Variants in NPDC1 observed in about 807,000 individuals in gnomAD.
The protein encoded by NPDC1 is neural proliferation, differentiation and control 1.
NPDC1 carries 18 observed loss-of-function variants against 32.5 expected under a neutral mutation model. That is an observed-to-expected ratio of 0.55 (90% CI 0.38 to 0.82). NPDC1 has a LOEUF of 0.82. Among genes scored for constraint, NPDC1 ranks in the 40% least tolerant of loss-of-function variants. The pLI is 0.00. For missense variants in NPDC1, 468 were observed against 406.6 expected (o/e 1.15, Z -1.30); for synonymous variants, 210 against 184.7 (o/e 1.14, Z -1.11).
intron 2 of NPDC1, among the ~76,000 whole-genome samples, chr9:137,041,877 G>A (rs959058993): frequency 2.0e-5 from 3 of 152,250 alleles, no homozygotes; most frequent in Non-Finnish European, 4.4e-5. Flanking sequence ...GGCGAGCGGG[G>A]CATCCCCAGC....
chr9:137,040,430 C>A lies in NPDC1; in HGVS notation c.715G>T (p.Asp239Tyr). 1 of 1,553,678 alleles carries A rather than the reference C, an allele frequency of 6.4e-7. No individual in the cohort carries two copies. Among genetic ancestry groups the A allele is most frequent in the Non-Finnish European group, 8.7e-7 (1 of 1,149,900 alleles). ...TCCGCGCTCTGTGCCAGCCGCTGGT[C>A]CCCAGGCTGTGGGAAGGAGGAGGCG... is the stretch of plus-strand genomic sequence containing the variant. ...SPAAPRISPG[D>Y]QRLAQSAEMY... Residue 239 changes from aspartate to tyrosine, a missense_variant, in exon 7 of 9, where the codon GAC becomes TAC. Physicochemically the swap from Asp to Tyr is radical, Grantham distance 160. Transcript: ENST00000371601.
intron 2 of NPDC1, among the ~76,000 whole-genome samples, chr9:137,041,443 T>C (rs1444966779): frequency 6.6e-6 from 1 of 150,906 alleles, no homozygotes; most frequent in East Asian, 2.0e-4. Flanking sequence ...GAGGAAGGAG[T>C]GGGGTCTCTC....
At chr9:137,044,962 T>C (rs1832109302) in intron 1 of NPDC1, among the ~76,000 whole-genome samples, 1 of 152,242 alleles carries the variant, frequency 6.6e-6, no homozygotes, top group Admixed American at 6.5e-5. Context: ...GCCTCAGCTG[T>C]GCCACAATCC....
rs974785977 is a variant in NPDC1 at position 137,039,593 on chromosome 9, G to A, written c.*179C>T. 20 of 583,416 alleles carry A rather than the reference G, an allele frequency of 3.4e-5. No homozygotes were observed. The highest frequency in any genetic ancestry group is 7.5e-5 in the African/African-American group (4 of 53,456). 36.1% of individuals were successfully genotyped at this position (583,416 alleles called of 1,614,324 possible). ...GAACAGGAGAGGTGCAGGGGACCAG[G>A]AGGTGTCCTGGCACAAAGGTTCGGG... On this transcript the variant is annotated 3_prime_UTR_variant, in exon 9 of 9. Transcript: ENST00000371601.
Position 137,045,879 on chromosome 9 carries a change from C to T in NPDC1, c.111G>A (p.Pro37=), listed in dbSNP as rs1832123016. ...AALRGAAAGH[P]DVAACPGSLD... ...CCTGCGCCCAGCGCGCTCGCTCACC[C>T]GGGTGGCCGGCGGCGGCTCCACGCA... The change falls in exon 1 of 9, where the codon CCG becomes CCA. Residue 37 remains proline (P), a splice_region_variant and synonymous_variant. Coordinates refer to ENST00000371601, the MANE Select transcript of NPDC1 (RefSeq NM_015392.4). 1.4e-5 allele frequency: 15 copies of T among 1,075,462 alleles called. No homozygotes were observed. Among genetic ancestry groups the T allele is most frequent in the Non-Finnish European group, 1.7e-5 (15 of 889,328 alleles). The allele number at this position is 1,075,462 out of a possible 1,614,324, so 66.6% of individuals were successfully genotyped here. A position where few individuals can be genotyped will look rare whatever the true frequency, so the allele number is the denominator to read the frequency against.
chr9:137,040,116 GT>G, intron 7 of NPDC1, 49 bp from the exon 8 acceptor site: 1 of 757,754 alleles, frequency 1.3e-6, no homozygotes, highest in Non-Finnish European at 2.4e-6. Flanking sequence ...CGAGGTGCCA[GT>G]GGCCCAGTCT....
chr9:137,041,233 G>C, intron 2 of NPDC1, 46 bp from the exon 3 acceptor site: 1 of 1,376,466 alleles, frequency 7.3e-7, no homozygotes, highest in South Asian at 1.9e-5. Context: ...CGTCCAGGAG[G>C]TAGCCCCAGG....
intron 2 of NPDC1, among the ~76,000 whole-genome samples, chr9:137,042,497 T>A (rs1588548655): frequency 6.6e-6 from 1 of 151,416 alleles, no homozygotes; most frequent in East Asian, 1.9e-4. Flanking sequence ...GACCTTATGA[T>A]GTGCCCGCCT....
In NPDC1 at chr9:137,046,073, G is replaced by C. The variant is rs1270526381; in HGVS notation, c.-84C>G. 5 of 1,115,736 alleles carry C rather than the reference G, an allele frequency of 4.5e-6. No individual in the cohort carries two copies. Among genetic ancestry groups the C allele is most frequent in the Non-Finnish European group, 5.5e-6 (5 of 912,642 alleles). 69.1% of individuals were successfully genotyped at this position (1,115,736 alleles called of 1,614,324 possible). On this transcript the variant is annotated 5_prime_UTR_variant, in exon 1 of 9. Transcript: ENST00000371601. ...TCCGGGCTCCGCGTCGGGAGCAGCG[G>C]AGGCAGCGGGGGAGGACGCAGGAGG...
At chr9:137,041,038 G>T in intron 3 of NPDC1, 24 bp downstream of exon 3, 1 of 1,520,378 alleles carries the variant, frequency 6.6e-7, no homozygotes, top group Non-Finnish European at 8.8e-7. Context: ...CAGGGCCGTG[G>T]GGCAGGGGAA....
chr9:137,039,852 C>G lies in NPDC1; in HGVS notation c.898G>C (p.Glu300Gln), dbSNP rs1290621586. The G allele has an allele frequency of 2.6e-6, 2 of 779,412 alleles. No homozygotes were observed. The highest frequency in any genetic ancestry group is 3.4e-5 in the Admixed American group (2 of 59,014). The allele number at this position is 779,412 out of a possible 1,614,324, so 48.3% of individuals were successfully genotyped here. A position where few individuals can be genotyped will look rare whatever the true frequency, so the allele number is the denominator to read the frequency against. ...CPGLAPTGEM[E>Q]VRNPLFDHAA... ...TGGTCGAACAGAGGGTTGCGCACCTCCATTTCCCCGGTCTGCGAATGTGGG... is the reference window on the plus strand; with the variant it reads ...TGGTCGAACAGAGGGTTGCGCACCTGCATTTCCCCGGTCTGCGAATGTGGG... Residue 300 changes from glutamate to glutamine, a missense_variant, in exon 9 of 9, where the codon GAG (glutamate) becomes CAG (glutamine). By Grantham distance (29) the Glu-to-Gln change is conservative. Coordinates refer to ENST00000371601, the MANE Select transcript of NPDC1 (RefSeq NM_015392.4).
intron 2 of NPDC1, among the ~76,000 whole-genome samples, chr9:137,041,966 T>C (rs1457813490): frequency 2.0e-5 from 3 of 152,184 alleles, no homozygotes; most frequent in Non-Finnish European, 4.4e-5. Context: ...GCAAGCTGCC[T>C]GGGGACGGGG....
At chr9:137,042,317 G>A (rs368233897) in intron 2 of NPDC1, among the ~76,000 whole-genome samples, 61 of 147,560 alleles carry the variant, frequency 4.1e-4, no homozygotes, top group Admixed American at 2.0e-3. Context: ...GCAGTGGCGC[G>A]ATCTCGGCTC....
At position 137,039,956 on chromosome 9, in the gene NPDC1, C is replaced by T. The variant is rs774316269; in HGVS notation, c.885+15G>A. 11 of 778,902 alleles carry T rather than the reference C, an allele frequency of 1.4e-5. No individual in the cohort carries two copies. Among genetic ancestry groups the T allele is most frequent in the Non-Finnish European group, 2.6e-5 (11 of 417,988 alleles). 48.2% of individuals were successfully genotyped at this position (778,902 alleles called of 1,614,324 possible). A position where few individuals can be genotyped will look rare whatever the true frequency, so the allele number is the denominator to read the frequency against. On this transcript the variant is annotated intron_variant, in intron 8 of 8. Transcript: ENST00000371601. ...AGGAGATGGTTCGCCCCTCCCTGCA[C>T]CCTGAGGCACTCACCGGGGCCAGGC... is the stretch of plus-strand genomic sequence containing the variant.
At position 137,040,450 on chromosome 9, in the gene NPDC1, G is replaced by A. The variant is rs759323002; in HGVS notation, c.709-14C>T. On this transcript the variant is annotated splice_polypyrimidine_tract_variant and intron_variant, in intron 6 of 8. Transcript: ENST00000371601. ...CTGGTCCCCAGGCTGTGGGAAGGAG[G>A]AGGCGAGGGTCAGTTGGCGGCCAGA... 8 of 1,558,734 alleles carry A rather than the reference G, an allele frequency of 5.1e-6. No homozygotes were observed. The highest frequency in any genetic ancestry group is 4.8e-5 in the East Asian group (2 of 41,494).
chr9:137,045,627 T>A lies in NPDC1; in HGVS notation c.112+251A>T, dbSNP rs549087739. ...CGCTCCCGGCGGAAGAAGCCATGAA[T>A]GTAAGGTACGCCTCTGGGAACCGGC... On this transcript the variant is annotated intron_variant, in intron 1 of 8. Coordinates refer to ENST00000371601, the MANE Select transcript of NPDC1 (RefSeq NM_015392.4). Among the ~76,000 whole-genome samples the A allele has an allele frequency of 2.6e-5, 4 of 152,210 alleles. No homozygotes were observed. The East Asian group carries it at 7.7e-4, about 29-fold the overall frequency.
Position 137,040,372 on chromosome 9 carries a change from A to C in NPDC1, c.773T>G (p.Met258Arg). 6.5e-7 allele frequency: 1 copy of C among 1,545,478 alleles called. No homozygotes were observed. Among genetic ancestry groups the C allele is most frequent in the Non-Finnish European group, 8.7e-7 (1 of 1,146,726 alleles). ...MYHYQHQRQQMLCLERHKEPP... is the reference protein window; with the variant it reads ...MYHYQHQRQQRLCLERHKEPP... Reference sequence around the variant, plus strand: ...GGCCACTCACCGCTCCAGGCACAGCATCTGTTGCCGTTGGTGCTGGTAGTG... The same window carrying C: ...GGCCACTCACCGCTCCAGGCACAGCCTCTGTTGCCGTTGGTGCTGGTAGTG... Residue 258 changes from methionine (M) to arginine (R), a missense_variant, in exon 7 of 9, where the codon ATG becomes AGG. Met to Arg is a moderately conservative substitution (Grantham distance 91, BLOSUM62 -1). Coordinates refer to ENST00000371601, the MANE Select transcript of NPDC1 (RefSeq NM_015392.4).
intron 1 of NPDC1, 73 bp downstream of exon 1, chr9:137,045,805 C>T (rs1832122117): frequency 3.2e-6 from 3 of 939,858 alleles, no homozygotes; most frequent in African/African-American, 1.8e-5. Flanking sequence ...CGGCGGCGCC[C>T]GGCAACCCGG....
rs1410866506 is a variant in NPDC1, at chr9:137,040,652, C to T, written c.623+19G>A. ...AGCGTGTGGCACCCTCCCTGCCCTGCCCGCGGCCACTGGCTCACCTGCACC... is the reference window on the plus strand; with the variant it reads ...AGCGTGTGGCACCCTCCCTGCCCTGTCCGCGGCCACTGGCTCACCTGCACC... On this transcript the variant is annotated intron_variant, in intron 5 of 8. Transcript: ENST00000371601. 3 of 1,566,910 alleles carry T rather than the reference C, an allele frequency of 1.9e-6. No homozygotes were observed. The highest frequency in any genetic ancestry group is 1.3e-5 in the African/African-American group (1 of 74,544).
Sources: allele counts gnomAD v4.1 joint callset (sites outside exome capture counted in the v4.1 genomes callset), GRCh38; gene constraint gnomAD v4.1.1; transcripts MANE v1.5; gene names NCBI Gene and HGNC (gene_info 2026-07-23, HGNC 2026-07-21).